Variants in MT1E observed in about 807,000 individuals in gnomAD.
The protein encoded by MT1E is metallothionein-1E.
MT1E carries 1 observed loss-of-function variant against 2.4 expected under a neutral mutation model. The ratio of observed to expected loss-of-function variants is 0.41; its 90% CI spans 0.15 to 1.97. The LOEUF (loss-of-function observed/expected upper bound fraction) is 1.97. Among genes scored for constraint, MT1E ranks in the 30% most tolerant of loss-of-function variants. The pLI, the probability that MT1E is intolerant of heterozygous loss-of-function variation, is 0.30. For synonymous variants in MT1E, 78 were observed against 63.0 expected (o/e 1.24, Z -1.13); for missense variants, 145 against 149.6 (o/e 0.97, Z 0.16).
chr16:56,625,948 G>A, intron 1 of MT1E, 69 bp downstream of exon 1: 1 of 1,592,250 alleles, frequency 6.3e-7, no homozygotes, highest in Non-Finnish European at 8.6e-7. Context: ...TGGGTTTCAG[G>A]AAGTCGCATT....
chr16:56,625,860 C>T lies in MT1E; in HGVS notation c.9C>T (p.Pro3=). The change falls in exon 1 of 2, where the codon CCC becomes CCT. Residue 3 remains proline, a synonymous_variant. Transcript: ENST00000330439. MD[P]NCSCATGGSC... ...CATCCCCTTTGCTCGAAATGGACCC[C>T]AACTGCTCTTGCGCCACTGGTAAGG... The T allele has an allele frequency of 6.2e-7, 1 of 1,613,678 alleles. No homozygotes were observed. Among genetic ancestry groups the T allele is most frequent in the Admixed American group, 1.7e-5 (1 of 60,030 alleles).
chr16:56,625,822 G>A lies in MT1E; in HGVS notation c.-30G>A. 1 of 1,612,782 alleles carries A rather than the reference G, an allele frequency of 6.2e-7. No homozygotes were observed. The highest frequency in any genetic ancestry group is 1.1e-5 in the South Asian group (1 of 91,022). The stretch of plus-strand genomic sequence containing the variant: ...GCCTGACTGCTTGTTCGTCTCACTG[G>A]TGTGAGCTCCAGCATCCCCTTTGCT... On this transcript the variant is annotated 5_prime_UTR_variant, in exon 1 of 2. It adds an upstream start codon to the 5' untranslated region. Coordinates refer to ENST00000330439, the MANE Select transcript of MT1E (RefSeq NM_001363555.2).
chr16:56,625,848 C>G lies in MT1E; in HGVS notation c.-4C>G. The G allele has an allele frequency of 1.2e-6, 2 of 1,613,506 alleles. No homozygotes were observed. Among genetic ancestry groups the G allele is most frequent in the Non-Finnish European group, 8.5e-7 (1 of 1,180,000 alleles). Reference sequence around the variant, plus strand: ...TGTGAGCTCCAGCATCCCCTTTGCTCGAAATGGACCCCAACTGCTCTTGCG... The same window carrying G: ...TGTGAGCTCCAGCATCCCCTTTGCTGGAAATGGACCCCAACTGCTCTTGCG... On this transcript the variant is annotated 5_prime_UTR_variant, in exon 1 of 2. Transcript: ENST00000330439.
Position 56,626,871 on chromosome 16 carries a change from C to T in MT1E, c.*50C>T, listed in dbSNP as rs201726406. ...TACTGCCACCTCTCACTCTCCCCTT[C>T]TTCCCCAGGCTGCTGTTCCTGCTGC... On this transcript the variant is annotated 3_prime_UTR_variant, in exon 2 of 2. Transcript: ENST00000330439. The T allele has an allele frequency of 1.2e-6, 2 of 1,614,232 alleles. 1 individual carries two copies. The highest frequency in any genetic ancestry group is 2.7e-5 in the African/African-American group (2 of 75,052).
At position 56,626,371 on chromosome 16, in the gene MT1E, C is replaced by T. The variant is rs148149331; in HGVS notation, c.29-95C>T. ...TGGGAAAGGAGCTCTGAGGGCTGGC[C>T]CTGCACAGAGGAGGGGGCACTGGAG... On this transcript the variant is annotated intron_variant, in intron 1 of 1. Coordinates refer to ENST00000330439, the MANE Select transcript of MT1E (RefSeq NM_001363555.2). The T allele has an allele frequency of 1.9e-3, 3,057 of 1,576,574 alleles. 21 individuals carry two copies. The African/African-American group carries it at 0.021, about 11-fold the overall frequency.
Position 56,626,608 on chromosome 16 carries a change from A to C in MT1E, c.171A>C (p.Ala57=), listed in dbSNP as rs1313208070. ...LGGNSRLALS[A]SFWGTGLSLP... ...GGAACTCAAGGCTGGCCCTGAGTGC[A>C]TCCTTCTGGGGAACTGGGCTTTCTT... The change falls in exon 2 of 2, where the codon GCA becomes GCC. Residue 57 remains alanine (A), a synonymous_variant. Coordinates refer to ENST00000330439, the MANE Select transcript of MT1E (RefSeq NM_001363555.2). 6.2e-7 allele frequency: 1 copy of C among 1,614,098 alleles called. No homozygotes were observed. Among genetic ancestry groups the C allele is most frequent in the East Asian group, 2.2e-5 (1 of 44,882 alleles).
rs766725187 is a variant in MT1E at position 56,626,479 on chromosome 16, G to C, written c.42G>C (p.Thr14=). Residue 14 remains threonine (T), a synonymous_variant, in exon 2 of 2, where the codon ACG becomes ACC. Transcript: ENST00000330439. Reference sequence around the variant, plus strand: ...TCTTCCTTGTAGGTGGCTCCTGCACGTGCGCCGGCTCCTGCAAGTGCAAAG... The same window carrying C: ...TCTTCCTTGTAGGTGGCTCCTGCACCTGCGCCGGCTCCTGCAAGTGCAAAG... The part of the protein sequence containing the change: ...NCSCATGGSC[T]CAGSCKCKEC... The C allele has an allele frequency of 6.2e-7, 1 of 1,613,938 alleles. No individual in the cohort carries two copies. Among genetic ancestry groups the C allele is most frequent in the Non-Finnish European group, 8.5e-7 (1 of 1,179,772 alleles).
rs764959201 is a variant in MT1E, at chr16:56,626,824, C to T, written c.*3C>T. 1.2e-5 allele frequency: 19 copies of T among 1,614,018 alleles called. No individual in the cohort carries two copies. Among genetic ancestry groups the T allele is most frequent in the East Asian group, 6.7e-5 (3 of 44,902 alleles). On this transcript the variant is annotated 3_prime_UTR_variant, in exon 2 of 2. Coordinates refer to ENST00000330439, the MANE Select transcript of MT1E (RefSeq NM_001363555.2). ...GCTCGAGCCAGGCTTGCTATTAGGG[C>T]AGGGAGGTGCCCGGTCAAGTCTACT...
chr16:56,625,862 A>G lies in MT1E; in HGVS notation c.11A>G (p.Asn4Ser), dbSNP rs143117929. 1.4e-4 allele frequency: 222 copies of G among 1,613,558 alleles called. No homozygotes were observed. The highest frequency in any genetic ancestry group is 5.3e-4 in the Middle Eastern group (3 of 5,714). MDP[N>S]CSCATGGSCT... is the part of the protein sequence containing the mutation. ...TCCCCTTTGCTCGAAATGGACCCCA[A>G]CTGCTCTTGCGCCACTGGTAAGGGA... The change falls in exon 1 of 2, where the codon AAC becomes AGC. Residue 4 changes from asparagine to serine, a missense_variant. By Grantham distance (46) the Asn-to-Ser change is conservative. Coordinates refer to ENST00000330439, the MANE Select transcript of MT1E (RefSeq NM_001363555.2).
Position 56,626,452 on chromosome 16 carries a change from C to T in MT1E, c.29-14C>T, listed in dbSNP as rs761860073. Reference sequence around the variant, plus strand: ...TCTCACTCACTGCCCACTGCGTTTTCCTCTTCCTTGTAGGTGGCTCCTGCA... The same window carrying T: ...TCTCACTCACTGCCCACTGCGTTTTTCTCTTCCTTGTAGGTGGCTCCTGCA... On this transcript the variant is annotated splice_polypyrimidine_tract_variant and intron_variant, in intron 1 of 1. Coordinates refer to ENST00000330439, the MANE Select transcript of MT1E (RefSeq NM_001363555.2). The T allele has an allele frequency of 5.6e-6, 9 of 1,614,040 alleles. No individual in the cohort carries two copies. The highest frequency in any genetic ancestry group is 2.2e-5 in the East Asian group (1 of 44,900).
chr16:56,627,110 T>C lies in MT1E; in HGVS notation c.*289T>C. On this transcript the variant is annotated 3_prime_UTR_variant, in exon 2 of 2. Coordinates refer to ENST00000330439, the MANE Select transcript of MT1E (RefSeq NM_001363555.2). ...CTGACAATAAAAACAATTTTGACTTTAATCTTACTCTGTTCTTCTTTGTGT... is the reference window on the plus strand; with the variant it reads ...CTGACAATAAAAACAATTTTGACTTCAATCTTACTCTGTTCTTCTTTGTGT... 1.9e-5 allele frequency: 23 copies of C among 1,217,270 alleles called. No homozygotes were observed. The highest frequency in any genetic ancestry group is 2.5e-5 in the Non-Finnish European group (22 of 884,176). 75.4% of individuals were successfully genotyped at this position (1,217,270 alleles called of 1,614,324 possible).
Position 56,625,789 on chromosome 16 carries a change from T to G in MT1E, c.-63T>G. ...GCCAGTTGCAGGGCTCCATTCTGCT[T>G]TCCAACTGCCTGACTGCTTGTTCGT... is the stretch of plus-strand genomic sequence containing the variant. On this transcript the variant is annotated 5_prime_UTR_variant, in exon 1 of 2. Transcript: ENST00000330439. The G allele has an allele frequency of 1.9e-6, 3 of 1,601,068 alleles. No homozygotes were observed. Among genetic ancestry groups the G allele is most frequent in the Non-Finnish European group, 2.6e-6 (3 of 1,169,908 alleles).
chr16:56,625,976 G>A, intron 1 of MT1E, 97 bp downstream of exon 1: 1 of 1,405,118 alleles, frequency 7.1e-7, no homozygotes, highest in Non-Finnish European at 1.0e-6. Flanking sequence ...CTGAGCGACG[G>A]GGACTCCAGT....
chr16:56,626,688 G>A lies in MT1E; in HGVS notation c.251G>A (p.Trp84Ter). The part of the protein sequence containing the change: ...PLQAFCPKFR[W>*]GRTAFFSWDT... ...CAGGCTTTCTGCCCTAAATTCAGAT[G>A]GGGCAGGACAGCATTTTTCTCGTGG... Residue 84 changes from tryptophan to a stop codon, truncating the protein, a stop_gained, in exon 2 of 2, where the codon TGG becomes TAG. Transcript: ENST00000330439. LOFTEE classifies it low-confidence loss of function (END_TRUNC). 1.3e-6 allele frequency: 2 copies of A among 1,590,342 alleles called. No homozygotes were observed. Among genetic ancestry groups the A allele is most frequent in the Non-Finnish European group, 1.7e-6 (2 of 1,168,254 alleles).
At position 56,626,956 on chromosome 16, in the gene MT1E, C is replaced by T; in HGVS notation, c.*135C>T. The T allele has an allele frequency of 6.2e-7, 1 of 1,614,242 alleles. No individual in the cohort carries two copies. The highest frequency in any genetic ancestry group is 8.5e-7 in the Non-Finnish European group (1 of 1,180,044). On this transcript the variant is annotated 3_prime_UTR_variant, in exon 2 of 2. Transcript: ENST00000330439. ...TCTGCAAAGGGGCATCGGAGAAGTG[C>T]AGCTGCTGTGCCTGATGTGGGAACA...
Position 56,626,601 on chromosome 16 carries a change from T to C in MT1E, c.164T>C (p.Leu55Pro). 6.2e-7 allele frequency: 1 copy of C among 1,614,188 alleles called. No individual in the cohort carries two copies. Among genetic ancestry groups the C allele is most frequent in the South Asian group, 1.1e-5 (1 of 91,082 alleles). Reference sequence around the variant, plus strand: ...TTGGGAGGGAACTCAAGGCTGGCCCTGAGTGCATCCTTCTGGGGAACTGGG... The same window carrying C: ...TTGGGAGGGAACTCAAGGCTGGCCCCGAGTGCATCCTTCTGGGGAACTGGG... ...LRLGGNSRLA[L>P]SASFWGTGLS... Residue 55 changes from leucine (L) to proline (P), a missense_variant, in exon 2 of 2, where the codon CTG becomes CCG. Physicochemically the swap from Leu to Pro is moderately conservative, Grantham distance 98. Coordinates refer to ENST00000330439, the MANE Select transcript of MT1E (RefSeq NM_001363555.2).
At position 56,626,735 on chromosome 16, in the gene MT1E, C is replaced by T. The variant is rs541438164; in HGVS notation, c.298C>T (p.Pro100Ser). Residue 100 changes from proline to serine, a missense_variant, in exon 2 of 2, where the codon CCC becomes TCC. Transcript: ENST00000330439. ...GTGGGACACAAACCCCAACTGTACC[C>T]CCTATGGTTTCAGAACAGAGCTGTG... ...FSWDTNPNCT[P>S]YGFRTELCQT... 3 of 1,604,240 alleles carry T rather than the reference C, an allele frequency of 1.9e-6. No homozygotes were observed. Among genetic ancestry groups the T allele is most frequent in the African/African-American group, 1.3e-5 (1 of 74,710 alleles).
intron 1 of MT1E, among the ~76,000 whole-genome samples, chr16:56,626,125 T>C (rs2144308748): frequency 6.6e-6 from 1 of 152,300 alleles, no homozygotes; most frequent in Non-Finnish European, 1.5e-5. Flanking sequence ...GCCTGCTGGC[T>C]GGGCCCCAGT....
chr16:56,626,802 C>T lies in MT1E; in HGVS notation c.365C>T (p.Ser122Leu), dbSNP rs747433169. ...ATCCTCTGGGTCTGGGTTCTGAGCT[C>T]GAGCCAGGCTTGCTATTAGGGCAGG... Reference protein sequence around the residue: ...KSILWVWVLSSSQACY With the variant: ...KSILWVWVLSLSQACY Residue 122 changes from serine to leucine, a missense_variant, in exon 2 of 2, where the codon TCG (serine) becomes TTG (leucine). By Grantham distance (145) the Ser-to-Leu change is moderately radical. Transcript: ENST00000330439. 2 of 1,614,028 alleles carry T rather than the reference C, an allele frequency of 1.2e-6. No homozygotes were observed. Among genetic ancestry groups the T allele is most frequent in the Non-Finnish European group, 8.5e-7 (1 of 1,179,942 alleles).
Sources: gnomAD v4.1 joint callset for allele counts (sites outside exome capture counted in the v4.1 genomes callset) on GRCh38, gnomAD v4.1.1 for gene constraint, MANE v1.5 for transcripts, NCBI Gene and HGNC (gene_info 2026-07-23, HGNC 2026-07-21) for gene names.